The following SGK3 variants were observed in gnomAD, a reference collection of about 807,000 sequenced individuals.
SGK3 encodes serine/threonine-protein kinase Sgk3.
In SGK3, 47 loss-of-function variants were observed where a neutral mutation model predicts 68.5. That is an observed-to-expected ratio of 0.69 (90% CI 0.54 to 0.87). The LOEUF (loss-of-function observed/expected upper bound fraction) is 0.87. SGK3 is among the 40% of genes least tolerant of loss of function. The pLI is 0.00. For missense variants in SGK3, 479 were observed against 575.5 expected (o/e 0.83, Z 1.72); for synonymous variants, 181 against 189.1 (o/e 0.96, Z 0.35).
chr8:66,782,863 A>T (rs575805241), intron 1 of SGK3, among the ~76,000 whole-genome samples: 12 of 152,214 alleles, frequency 7.9e-5, no homozygotes, highest in African/African-American at 2.7e-4. Context: ...ACTACAGTGT[A>T]TTAATCTATT....
At chr8:66,714,413 T>C (rs1438344628) in intron 1 of SGK3, among the ~76,000 whole-genome samples, 1 of 148,522 alleles carries the variant, frequency 6.7e-6, no homozygotes, top group African/African-American at 2.6e-5. Flanking sequence ...GTGACTAAGA[T>C]AGACATGATT....
chr8:66,795,393 T>C (rs758372236), intron 2 of SGK3, among the ~76,000 whole-genome samples: 5 of 152,238 alleles, frequency 3.3e-5, no homozygotes, highest in Non-Finnish European at 7.3e-5. Context: ...GTTGCACATT[T>C]GTATAAGCAA....
At position 66,847,283 on chromosome 8, in the gene SGK3, T is replaced by G; in HGVS notation, c.1165T>G (p.Trp389Gly). ...GAGGCCAGGAGTGAGTCTTACAGCC[T>G]GGTCCATTCTGGAAGAACTCCTAGA... ...SLRPGVSLTA[W>G]SILEELLEKD... Residue 389 changes from tryptophan (W) to glycine (G), a missense_variant, in exon 15 of 17, where the codon TGG (tryptophan) becomes GGG (glycine). Around this residue, in one of 3 missense-constraint regions of SGK3, gnomAD observed 173 missense variants for 214.3 expected, o/e 0.81. Coordinates refer to ENST00000521198, the MANE Select transcript of SGK3 (RefSeq NM_001033578.3). 6.2e-7 allele frequency: 1 copy of G among 1,614,122 alleles called. No homozygotes were observed. The highest frequency in any genetic ancestry group is 8.5e-7 in the Non-Finnish European group (1 of 1,180,014).
chr8:66,764,785 C>G (rs929408275), intron 1 of SGK3, among the ~76,000 whole-genome samples: 6 of 152,118 alleles, frequency 3.9e-5, no homozygotes, highest in Non-Finnish European at 7.4e-5. Context: ...TGAAATAAAC[C>G]AGACACCAGA....
At chr8:66,853,311 G>A (rs1207693119) in intron 16 of SGK3, among the ~76,000 whole-genome samples, 2 of 152,174 alleles carry the variant, frequency 1.3e-5, no homozygotes, top group Non-Finnish European at 2.9e-5. Flanking sequence ...TAGGCATTCA[G>A]TGTTGTGGAA....
At chr8:66,771,147 T>G (rs1327303016) in intron 1 of SGK3, among the ~76,000 whole-genome samples, 4 of 152,182 alleles carry the variant, frequency 2.6e-5, no homozygotes, top group Admixed American at 2.6e-4. Context: ...CTCTTAATAG[T>G]CACTTCACAT....
rs758391298 is a variant in SGK3, at chr8:66,840,024, G to C, written c.763G>C (p.Glu255Gln). 2.5e-6 allele frequency: 4 copies of C among 1,612,864 alleles called. No homozygotes were observed. Among genetic ancestry groups the C allele is most frequent in the Non-Finnish European group, 3.4e-6 (4 of 1,179,686 alleles). ...ACAGCTTTTTTTCCACTTACAAAGA[G>C]AACGGTCCTTTCCTGAGCACAGAGC... Reference protein sequence around the residue: ...GGELFFHLQRERSFPEHRARF... With the variant: ...GGELFFHLQRQRSFPEHRARF... The change falls in exon 11 of 17, where the codon GAA becomes CAA. Residue 255 changes from glutamate to glutamine, a missense_variant. Glu to Gln is a conservative substitution (Grantham distance 29). Coordinates refer to ENST00000521198, the MANE Select transcript of SGK3 (RefSeq NM_001033578.3).
At chr8:66,856,496 A>G (rs970821446) in intron 16 of SGK3, among the ~76,000 whole-genome samples, 5 of 152,206 alleles carry the variant, frequency 3.3e-5, no homozygotes, top group African/African-American at 1.2e-4. Flanking sequence ...TGAGCATCCC[A>G]TATCTGAAAA....
At chr8:66,796,798 G>A (rs546518859) in intron 2 of SGK3, among the ~76,000 whole-genome samples, 2 of 152,190 alleles carry the variant, frequency 1.3e-5, no homozygotes, top group Admixed American at 1.3e-4. Context: ...CAAGAGTGAC[G>A]TTAACCCTAG....
At chr8:66,764,909 G>T (rs957995085) in intron 1 of SGK3, among the ~76,000 whole-genome samples, 6 of 152,038 alleles carry the variant, frequency 3.9e-5, no homozygotes, top group Non-Finnish European at 7.4e-5. Context: ...TTTTATGGCC[G>T]GGTAATATTC....
In SGK3 at chr8:66,797,233, C is replaced by T. The variant is rs142380701; in HGVS notation, c.97-1309C>T. On this transcript the variant is annotated intron_variant, in intron 2 of 16. Transcript: ENST00000521198. Reference sequence around the variant, plus strand: ...GAGTCAGCACAGATAATTCAAGAAACTCACAATCATATAAACCTAAGTGTT... The same window carrying T: ...GAGTCAGCACAGATAATTCAAGAAATTCACAATCATATAAACCTAAGTGTT... 3.5e-4 allele frequency among the ~76,000 whole-genome samples: 53 copies of T among 152,274 alleles called. 1 individual carries two copies. The East Asian group carries it at 9.7e-3, about 28-fold the overall frequency.
intron 13 of SGK3, among the ~76,000 whole-genome samples, chr8:66,841,868 A>G (rs528141257): frequency 5.1e-4 from 77 of 152,336 alleles, no homozygotes; most frequent in Admixed American, 1.4e-3. Flanking sequence ...TATTATTCAT[A>G]CTTCACACAC....
At chr8:66,782,384 A>G (rs1369185500) in intron 1 of SGK3, among the ~76,000 whole-genome samples, 1 of 150,134 alleles carries the variant, frequency 6.7e-6, no homozygotes, top group Non-Finnish European at 1.5e-5. Context: ...AGAGTTCCCC[A>G]TATATCTGTG....
chr8:66,795,716 C>T (rs1434660000), intron 2 of SGK3, among the ~76,000 whole-genome samples: 6 of 152,026 alleles, frequency 3.9e-5, no homozygotes, highest in African/African-American at 1.4e-4. Context: ...TCTCAAAGGC[C>T]CTATCTAAAT....
intron 1 of SGK3, among the ~76,000 whole-genome samples, chr8:66,732,856 A>T (rs578147106): frequency 8.1e-4 from 99 of 122,112 alleles, no homozygotes; most frequent in Admixed American, 2.3e-3. Flanking sequence ...AAATTTTATT[A>T]AAAAAAAAAA....
intron 1 of SGK3, among the ~76,000 whole-genome samples, chr8:66,789,827 C>T (rs963016649): frequency 6.6e-6 from 1 of 152,162 alleles, no homozygotes; most frequent in Non-Finnish European, 1.5e-5. Flanking sequence ...CCTACAATCC[C>T]AGCACTTTGG....
chr8:66,717,814 G>A (rs777135583), intron 1 of SGK3, among the ~76,000 whole-genome samples: 16 of 150,064 alleles, frequency 1.1e-4, no homozygotes, highest in Non-Finnish European at 1.8e-4. Context: ...AGCGATTCTC[G>A]TGCTTCAGCC....
At chr8:66,822,345 T>C in intron 5 of SGK3, 27 bp from the exon 6 acceptor site, 1 of 1,588,170 alleles carries the variant, frequency 6.3e-7, no homozygotes, top group East Asian at 2.3e-5. Flanking sequence ...CTTTTGAAGT[T>C]ATAATAAAGT....
At chr8:66,786,788 A>G (rs984903224) in intron 1 of SGK3, among the ~76,000 whole-genome samples, 8 of 152,140 alleles carry the variant, frequency 5.3e-5, no homozygotes, top group African/African-American at 1.9e-4. Context: ...GCTAAGCTGT[A>G]CAGTCTGCGG....
Sources: allele counts gnomAD v4.1 joint callset (sites outside exome capture counted in the v4.1 genomes callset), GRCh38; gene constraint gnomAD v4.1.1; regional missense constraint gnomAD v4.1.1; transcripts MANE v1.5; gene names NCBI Gene and HGNC (gene_info 2026-07-23, HGNC 2026-07-21).